The following RAB8B variants were observed in gnomAD, a reference collection of about 807,000 sequenced individuals.
The protein encoded by RAB8B is ras-related protein Rab-8B.
RAB8B carries 11 observed loss-of-function variants against 32.0 expected under a neutral mutation model. That is an observed-to-expected ratio of 0.34 (90% CI 0.22 to 0.57). The LOEUF is 0.57. Among genes scored for constraint, RAB8B ranks in the 20% least tolerant of loss-of-function variants. RAB8B has a pLI of 0.86. For synonymous variants in RAB8B, 103 were observed against 89.6 expected, an observed-to-expected ratio of 1.15 and a Z score of -0.85; for missense variants, 190 against 258.5, an observed-to-expected ratio of 0.73 and a Z score of 1.82.
At chr15:63,243,221 T>C (rs1222636285) in intron 1 of RAB8B, among the ~76,000 whole-genome samples, 2 of 152,190 alleles carry the variant, frequency 1.3e-5, no homozygotes, top group African/African-American at 4.8e-5. Context: ...CAGCTGTAAA[T>C]ATAGATGAAG....
At chr15:63,230,211 G>A (rs946324258) in intron 1 of RAB8B, among the ~76,000 whole-genome samples, 1 of 152,232 alleles carries the variant, frequency 6.6e-6, no homozygotes, top group African/African-American at 2.4e-5. Context: ...CATTGATGTT[G>A]GTTTTGATCA....
chr15:63,251,324 GA>G (rs984037521), intron 3 of RAB8B: 20 of 455,974 alleles, frequency 4.4e-5, no homozygotes, highest in African/African-American at 4.0e-4. Flanking sequence ...TAACAGGGAT[GA>G]TTTGGAATAG....
intron 3 of RAB8B, among the ~76,000 whole-genome samples, chr15:63,250,784 T>C (rs1355177272): frequency 1.3e-5 from 2 of 149,418 alleles, no homozygotes; most frequent in Non-Finnish European, 3.0e-5. Flanking sequence ...TCTAGTATGC[T>C]CAGAGTCTTT....
chr15:63,195,639 T>C (rs1404537513), intron 1 of RAB8B, among the ~76,000 whole-genome samples: 5 of 152,194 alleles, frequency 3.3e-5, no homozygotes, highest in Non-Finnish European at 7.3e-5. Flanking sequence ...GATCCTGAAG[T>C]GGATGAGCAG....
At chr15:63,227,900 C>T (rs2037902385) in intron 1 of RAB8B, among the ~76,000 whole-genome samples, 1 of 151,936 alleles carries the variant, frequency 6.6e-6, no homozygotes, top group Admixed American at 6.6e-5. Flanking sequence ...CTTTTCCTTT[C>T]CTTTCCTTTC....
intron 2 of RAB8B, 33 bp downstream of exon 2, chr15:63,244,849 A>C: frequency 6.7e-7 from 1 of 1,495,488 alleles, no homozygotes; most frequent in Non-Finnish European, 9.2e-7. Flanking sequence ...TTTCTGCTTT[A>C]ATTGGGAATT....
chr15:63,189,696 C>T lies in RAB8B; in HGVS notation c.72C>T (p.Leu24=). ...IGDSGVGKTC[L]LFRFSEDAFN... Reference sequence around the variant, plus strand: ...ACTCGGGGGTAGGCAAGACCTGCCTCCTGTTCCGCTTCTCAGAGGACGCCT... The same window carrying T: ...ACTCGGGGGTAGGCAAGACCTGCCTTCTGTTCCGCTTCTCAGAGGACGCCT... Residue 24 remains leucine (L), a synonymous_variant, in exon 1 of 8, where the codon CTC becomes CTT. Transcript: ENST00000321437. 1 of 1,613,906 alleles carries T rather than the reference C, an allele frequency of 6.2e-7. No homozygotes were observed. Among genetic ancestry groups the T allele is most frequent in the Non-Finnish European group, 8.5e-7 (1 of 1,179,890 alleles).
chr15:63,197,242 G>A (rs1352785996), intron 1 of RAB8B, among the ~76,000 whole-genome samples: 1 of 150,282 alleles, frequency 6.7e-6, no homozygotes, highest in African/African-American at 2.4e-5. Context: ...GATGTTTATG[G>A]TTATGTTTTA....
At chr15:63,222,140 C>T (rs1332475851) in intron 1 of RAB8B, among the ~76,000 whole-genome samples, 1 of 152,126 alleles carries the variant, frequency 6.6e-6, no homozygotes, top group Admixed American at 6.5e-5. Flanking sequence ...TCCCTTCTTG[C>T]CTTGGGTGGC....
intron 3 of RAB8B, among the ~76,000 whole-genome samples, chr15:63,252,038 G>A (rs1351172778): frequency 6.6e-6 from 1 of 151,772 alleles, no homozygotes; most frequent in Non-Finnish European, 1.5e-5. Flanking sequence ...GGAAAAACAG[G>A]ACCATATCAT....
At chr15:63,226,200 G>A (rs1262347791) in intron 1 of RAB8B, among the ~76,000 whole-genome samples, 3 of 152,110 alleles carry the variant, frequency 2.0e-5, no homozygotes, top group South Asian at 2.1e-4. Flanking sequence ...TCTGATTTTC[G>A]CTAAATTTGC....
intron 1 of RAB8B, among the ~76,000 whole-genome samples, chr15:63,239,410 GTTT>G (rs71131153): frequency 5.0e-5 from 6 of 120,870 alleles, no homozygotes; most frequent in East Asian, 2.5e-4. Context: ...AATTTCCGAA[GTTT>G]TTTTTTTTTT....
At chr15:63,205,381 C>T (rs2037689876) in intron 1 of RAB8B, among the ~76,000 whole-genome samples, 1 of 151,922 alleles carries the variant, frequency 6.6e-6, no homozygotes. Flanking sequence ...GCCTGTAGTC[C>T]CAGCTATTCA....
At position 63,267,410 on chromosome 15, in the gene RAB8B, T is replaced by A. The variant is rs13681; in HGVS notation, c.*3791T>A. The A allele has an allele frequency of 0.14, 21,921 of 152,570 alleles. 2,061 individuals are homozygous for A. The highest frequency in any genetic ancestry group is 0.47 in the East Asian group (2,442 of 5,178). 9.5% of individuals were successfully genotyped at this position (152,570 alleles called of 1,614,324 possible). ...TTTTTTAAAATGTGAATTTAGTTATTATAGTTCAATTTTATGGCCTTACAG... is the reference window on the plus strand; with the variant it reads ...TTTTTTAAAATGTGAATTTAGTTATAATAGTTCAATTTTATGGCCTTACAG... On this transcript the variant is annotated 3_prime_UTR_variant, in exon 8 of 8. Transcript: ENST00000321437.
At chr15:63,207,818 C>A (rs943342566) in intron 1 of RAB8B, among the ~76,000 whole-genome samples, 1 of 152,164 alleles carries the variant, frequency 6.6e-6, no homozygotes, top group Non-Finnish European at 1.5e-5. Context: ...CCCACCTCGG[C>A]CTTCCAAAGT....
chr15:63,215,826 C>T (rs2037786855), intron 1 of RAB8B, among the ~76,000 whole-genome samples: 1 of 152,036 alleles, frequency 6.6e-6, no homozygotes, highest in South Asian at 2.1e-4. Context: ...TGTTTGACCC[C>T]AGGTGTTTGA....
intron 1 of RAB8B, among the ~76,000 whole-genome samples, chr15:63,225,841 T>C (rs2037884543): frequency 6.6e-6 from 1 of 152,098 alleles, no homozygotes; most frequent in Admixed American, 6.6e-5. Flanking sequence ...TCCTTCTCTG[T>C]TTTATTTTTT....
At chr15:63,197,971 A>G (rs986088411) in intron 1 of RAB8B, among the ~76,000 whole-genome samples, 4 of 152,306 alleles carry the variant, frequency 2.6e-5, no homozygotes, top group African/African-American at 7.2e-5. Context: ...AAATTTCAAT[A>G]TTAGTAATAT....
At chr15:63,207,117 T>C (rs553996866) in intron 1 of RAB8B, among the ~76,000 whole-genome samples, 1 of 152,344 alleles carries the variant, frequency 6.6e-6, no homozygotes, top group African/African-American at 2.4e-5. Context: ...TTCTCTAGGT[T>C]TTCCTTTTTT....
Sources: allele counts gnomAD v4.1 joint callset (sites outside exome capture counted in the v4.1 genomes callset), GRCh38; gene constraint gnomAD v4.1.1; transcripts MANE v1.5; gene names NCBI Gene and HGNC (gene_info 2026-07-23, HGNC 2026-07-21).